The following CPNE8 variants were observed in gnomAD, a reference collection of about 807,000 sequenced individuals.
The protein encoded by CPNE8 is copine-8.
A neutral mutation model predicts 81.5 loss-of-function variants in CPNE8; 45 were observed. That is an observed-to-expected ratio of 0.55 (90% CI 0.44 to 0.71). The LOEUF (loss-of-function observed/expected upper bound fraction) is 0.71, where lower values mean the gene tolerates loss of function less well. Among genes scored for constraint, CPNE8 ranks in the 30% least tolerant of loss-of-function variants. CPNE8 has a pLI of 0.00. For missense variants in CPNE8, 594 were observed against 672.1 expected (o/e 0.88, Z 1.28); for synonymous variants, 252 against 226.3 (o/e 1.11, Z -1.02).
intron 6 of CPNE8, among the ~76,000 whole-genome samples, chr12:38,828,056 T>C (rs1039603411): frequency 1.4e-4 from 22 of 152,230 alleles, no homozygotes; most frequent in Admixed American, 1.4e-3. Context: ...GAAAATTCTG[T>C]ATTTTAATTG....
Position 38,905,556 on chromosome 12 carries a change from C to T in CPNE8, c.-22G>A. The T allele has an allele frequency of 6.5e-7, 1 of 1,549,766 alleles. No individual in the cohort carries two copies. The highest frequency in any genetic ancestry group is 8.7e-7 in the Non-Finnish European group (1 of 1,148,372). On this transcript the variant is annotated 5_prime_UTR_variant, in exon 1 of 20. Transcript: ENST00000331366. ...CCATATTGGGAGGAGGCGCCTTGGA[C>T]TTGTCCGGCGCCCACAACCACAGCT...
chr12:38,670,920 G>C, intron 18 of CPNE8, 118 bp from the exon 19 acceptor site: 1 of 651,082 alleles, frequency 1.5e-6, no homozygotes, highest in Non-Finnish European at 2.6e-6. Context: ...AAGACAGAAA[G>C]CATGTTGATC....
chr12:38,902,279 G>C (rs7486846), intron 1 of CPNE8, among the ~76,000 whole-genome samples: 18 of 74,648 alleles, frequency 2.4e-4, no homozygotes, highest in Non-Finnish European at 3.7e-4. Context: ...AAAAAGAAAA[G>C]AAAGAAGGAA....
chr12:38,673,405 C>T (rs1433177120), intron 18 of CPNE8, among the ~76,000 whole-genome samples: 1 of 152,114 alleles, frequency 6.6e-6, no homozygotes, highest in Non-Finnish European at 1.5e-5. Context: ...TTGGAAGTGT[C>T]ATGAGAGGCT....
chr12:38,689,347 G>A (rs1270118190), intron 15 of CPNE8, among the ~76,000 whole-genome samples: 1 of 152,134 alleles, frequency 6.6e-6, no homozygotes, highest in Non-Finnish European at 1.5e-5. Context: ...TTGTGCTGAG[G>A]GTGTGGATTC....
intron 19 of CPNE8, among the ~76,000 whole-genome samples, chr12:38,667,682 A>G (rs1440552061): frequency 6.6e-6 from 1 of 152,184 alleles, no homozygotes; most frequent in African/African-American, 2.4e-5. Flanking sequence ...CTTCAGTTCA[A>G]CTTTACATGG....
At chr12:38,743,627 T>C (rs1941158916) in intron 10 of CPNE8, among the ~76,000 whole-genome samples, 1 of 152,138 alleles carries the variant, frequency 6.6e-6, no homozygotes, top group Non-Finnish European at 1.5e-5. Context: ...TTAAAAATTA[T>C]GAGTATCTAA....
intron 1 of CPNE8, among the ~76,000 whole-genome samples, chr12:38,899,011 C>G (rs1264555666): frequency 6.6e-6 from 1 of 152,144 alleles, no homozygotes; most frequent in East Asian, 1.9e-4. Flanking sequence ...TTAAAAGTCT[C>G]TAAGTTCCTA....
intron 4 of CPNE8, among the ~76,000 whole-genome samples, chr12:38,844,613 A>G (rs1943523202): frequency 6.6e-6 from 1 of 151,514 alleles, no homozygotes; most frequent in Middle Eastern, 3.2e-3. Flanking sequence ...TAGTAACAAT[A>G]AAAAAAATTA....
In CPNE8 at chr12:38,796,185, G is replaced by A. The variant is rs139091851; in HGVS notation, c.408-19884C>T. On this transcript the variant is annotated intron_variant, in intron 6 of 19. Transcript: ENST00000331366. ...GCCTGTAATTCCAGCTACTTGGGAG[G>A]CTAAGGCAAAAGAAGCACTTGAACT... 3.0e-3 allele frequency among the ~76,000 whole-genome samples: 457 copies of A among 152,224 alleles called. 5 individuals are homozygous for A. Among genetic ancestry groups the A allele is most frequent in the African/African-American group, 9.8e-3 (408 of 41,530 alleles).
chr12:38,902,228 AGAAG>A (rs1233200937), intron 1 of CPNE8, among the ~76,000 whole-genome samples: 3 of 130,740 alleles, frequency 2.3e-5, no homozygotes, highest in Non-Finnish European at 4.6e-5. Flanking sequence ...AGAAAGAGAA[AGAAG>A]GAAAGAAAGA....
chr12:38,793,525 A>T (rs1301549549), intron 6 of CPNE8, among the ~76,000 whole-genome samples: 1 of 151,922 alleles, frequency 6.6e-6, no homozygotes, highest in Non-Finnish European at 1.5e-5. Context: ...GAAGTGAAAA[A>T]CATTTACAAT....
chr12:38,743,117 T>C (rs1004358301), intron 10 of CPNE8, among the ~76,000 whole-genome samples: 2 of 152,086 alleles, frequency 1.3e-5, no homozygotes, highest in Non-Finnish European at 2.9e-5. Context: ...TTCTTAAAGA[T>C]TATATCATAA....
At position 38,712,889 on chromosome 12, in the gene CPNE8, T is replaced by A. The variant is rs186745582; in HGVS notation, c.915-9968A>T. Among the ~76,000 whole-genome samples the A allele has an allele frequency of 2.0e-5, 3 of 152,302 alleles. No homozygotes were observed. In the East Asian group the frequency reaches 5.8e-4, roughly 29 times the overall value. ...CATACTTTTTTCTTCATATCTCTTA[T>A]AACTAGGGCAATTACTACAACAATA... On this transcript the variant is annotated intron_variant, in intron 13 of 19. Coordinates refer to ENST00000331366, the MANE Select transcript of CPNE8 (RefSeq NM_153634.3).
chr12:38,877,028 T>C (rs1357181073), intron 1 of CPNE8, among the ~76,000 whole-genome samples: 1 of 152,146 alleles, frequency 6.6e-6, no homozygotes, highest in East Asian at 1.9e-4. Flanking sequence ...TCAGAGAAAG[T>C]GAGTGAATGA....
At chr12:38,657,298 C>T (rs764743082) in intron 19 of CPNE8, among the ~76,000 whole-genome samples, 1 of 152,110 alleles carries the variant, frequency 6.6e-6, no homozygotes, top group African/African-American at 2.4e-5. Context: ...CTGAGATCGA[C>T]CTGCGAGGCT....
intron 14 of CPNE8, among the ~76,000 whole-genome samples, chr12:38,701,994 C>CA (rs1939959778): frequency 6.6e-6 from 1 of 152,028 alleles, no homozygotes; most frequent in Non-Finnish European, 1.5e-5. Flanking sequence ...TGAATGTCCT[C>CA]GCTTGTATAA....
intron 6 of CPNE8, among the ~76,000 whole-genome samples, chr12:38,790,389 A>G (rs1942293998): frequency 6.6e-6 from 1 of 151,776 alleles, no homozygotes; most frequent in African/African-American, 2.4e-5. Context: ...TCTAAAAATC[A>G]AAACAATTGA....
In CPNE8 at chr12:38,791,643, A is replaced by G. The variant is rs73089546; in HGVS notation, c.408-15342T>C. The stretch of plus-strand genomic sequence containing the variant: ...GATAATAAAACAGAAAGAAAATAAT[A>G]TGAGACTTCAATACCACATCTTTAA... On this transcript the variant is annotated intron_variant, in intron 6 of 19. Transcript: ENST00000331366. Among the ~76,000 whole-genome samples the G allele has an allele frequency of 3.5e-3, 538 of 151,766 alleles. 1 individual carries two copies. The highest frequency in any genetic ancestry group is 0.027 in the Middle Eastern group (8 of 294).
Sources: gnomAD v4.1 joint callset for allele counts (sites outside exome capture counted in the v4.1 genomes callset) on GRCh38, gnomAD v4.1.1 for gene constraint, MANE v1.5 for transcripts, NCBI Gene and HGNC (gene_info 2026-07-23, HGNC 2026-07-21) for gene names.